ARFGAP3: variants seen among roughly 807,000 people sequenced by gnomAD.
ARFGAP3 encodes ADP-ribosylation factor GTPase-activating protein 3.
Under a neutral mutation model 75.0 loss-of-function variants are expected in ARFGAP3, and 72 were observed. That is an observed-to-expected ratio of 0.96 (90% CI 0.79 to 1.17). ARFGAP3 has a LOEUF of 1.17. Ranked by LOEUF, ARFGAP3 falls within the 50% of genes most tolerant of loss-of-function variation. The probability of loss-of-function intolerance (pLI) is 0.00; values close to 1 mark genes in which losing one functional copy is unlikely to be tolerated. For missense variants in ARFGAP3, 620 were observed against 626.6 expected (o/e 0.99, Z 0.11); for synonymous variants, 221 against 217.9 (o/e 1.01, Z -0.13).
intron 5 of ARFGAP3, among the ~76,000 whole-genome samples, chr22:42,832,486 G>A (rs914707525): frequency 6.7e-6 from 1 of 150,194 alleles, no homozygotes; most frequent in African/African-American, 2.5e-5. Flanking sequence ...AGCCAAGATT[G>A]TGCCAGTGCA....
chr22:42,824,958 G>C (rs76664873), intron 7 of ARFGAP3, among the ~76,000 whole-genome samples: 1,764 of 152,294 alleles, frequency 0.012, 33 homozygotes, highest in African/African-American at 0.041. Flanking sequence ...TTTTGTTTCT[G>C]CATTAGTTTG....
intron 14 of ARFGAP3, among the ~76,000 whole-genome samples, chr22:42,799,730 A>T (rs776260444): frequency 6.6e-6 from 1 of 152,172 alleles, no homozygotes; most frequent in Non-Finnish European, 1.5e-5. Flanking sequence ...GCAGGGACAA[A>T]GCAAAGCAGC....
chr22:42,805,967 G>A (rs930375524), intron 14 of ARFGAP3, among the ~76,000 whole-genome samples: 1 of 152,198 alleles, frequency 6.6e-6, no homozygotes, highest in Non-Finnish European at 1.5e-5. Flanking sequence ...GCCACAGTGT[G>A]TCTCTATAAC....
At chr22:42,823,431 T>C (rs561554509) in intron 8 of ARFGAP3, among the ~76,000 whole-genome samples, 16 of 152,178 alleles carry the variant, frequency 1.1e-4, no homozygotes, top group African/African-American at 3.4e-4. Flanking sequence ...TTTCAGAATT[T>C]TGTCATAGAC....
At chr22:42,847,832 T>TA in intron 1 of ARFGAP3, 200 bp from the exon 2 acceptor site, 2 of 187,588 alleles carry the variant, frequency 1.1e-5, no homozygotes, top group Non-Finnish European at 2.0e-5. Context: ...TATAATTATA[T>TA]TAATTATAAA....
At chr22:42,823,090 G>GT (rs1314910766) in intron 8 of ARFGAP3, among the ~76,000 whole-genome samples, 1 of 152,060 alleles carries the variant, frequency 6.6e-6, no homozygotes, top group African/African-American at 2.4e-5. Flanking sequence ...GATTACAGGC[G>GT]TGAGTCACTA....
chr22:42,813,939 CTG>C (rs1415779434), intron 11 of ARFGAP3, among the ~76,000 whole-genome samples: 1 of 152,198 alleles, frequency 6.6e-6, no homozygotes, highest in African/African-American at 2.4e-5. Context: ...CCCTCCCACT[CTG>C]TCTTTACCCA....
At chr22:42,843,705 A>G (rs1343682001) in intron 2 of ARFGAP3, among the ~76,000 whole-genome samples, 1 of 152,200 alleles carries the variant, frequency 6.6e-6, no homozygotes, top group Non-Finnish European at 1.5e-5. Context: ...GCCTGTCCCT[A>G]ACCCCAGGCC....
At position 42,834,308 on chromosome 22, in the gene ARFGAP3, A is replaced by C; in HGVS notation, c.411T>G (p.Cys137Trp). Reference sequence around the variant, plus strand: ...GTGGAGGGGACAAAGGTGGAACCACACAACTATCAAGCCACAGCTAGAACA... The same window carrying C: ...GTGGAGGGGACAAAGGTGGAACCACCCAACTATCAAGCCACAGCTAGAACA... ...KHGTDLWLDS[C>W]VVPPLSPPPK... Residue 137 changes from cysteine (C) to tryptophan (W), a missense_variant, in exon 5 of 16, where the codon TGT (cysteine) becomes TGG (tryptophan). Cys to Trp is a radical substitution (Grantham distance 215, BLOSUM62 -2). Transcript: ENST00000263245. 6.2e-7 allele frequency: 1 copy of C among 1,613,780 alleles called. No individual in the cohort carries two copies. The highest frequency in any genetic ancestry group is 2.2e-5 in the East Asian group (1 of 44,864).
At chr22:42,807,236 G>T (rs185345110) in intron 13 of ARFGAP3, 73 bp from the exon 14 acceptor site, 1 of 1,516,984 alleles carries the variant, frequency 6.6e-7, no homozygotes, top group East Asian at 2.3e-5. Context: ...AATCACTGAA[G>T]AGCTGTCATT....
intron 1 of ARFGAP3, among the ~76,000 whole-genome samples, chr22:42,850,695 C>T (rs1282717204): frequency 6.6e-6 from 1 of 150,892 alleles, no homozygotes; most frequent in Non-Finnish European, 1.5e-5. Flanking sequence ...AATACAAGGG[C>T]AATACAAGAG....
In ARFGAP3 at chr22:42,822,422, TAA is replaced by T. The variant is rs1428951367; in HGVS notation, c.673-15_673-14del. 5 of 1,613,236 alleles carry T rather than the reference TAA, an allele frequency of 3.1e-6. No individual in the cohort carries two copies. The East Asian group carries it at 1.1e-4, about 36-fold the overall frequency. On this transcript the variant is annotated splice_polypyrimidine_tract_variant and intron_variant, in intron 8 of 15. Transcript: ENST00000263245. ...TTTTGGCCCCAAGCTAGAACATATATAAGACTATAGTCTACACGAGCTGTTTG... is the reference window on the plus strand; with the variant it reads ...TTTTGGCCCCAAGCTAGAACATATATGACTATAGTCTACACGAGCTGTTTG...
chr22:42,834,221 G>A (rs1488013085), intron 5 of ARFGAP3, 21 bp downstream of exon 5: 1 of 1,604,838 alleles, frequency 6.2e-7, no homozygotes, highest in African/African-American at 1.4e-5. Flanking sequence ...ACTTTAAAAT[G>A]ATGTGAAGCA....
intron 2 of ARFGAP3, among the ~76,000 whole-genome samples, chr22:42,846,532 G>A (rs777798945): frequency 2.6e-5 from 4 of 152,196 alleles, no homozygotes; most frequent in East Asian, 1.9e-4. Flanking sequence ...AGTAGAAGAC[G>A]GTTTACTCAC....
At chr22:42,840,600 T>TA (rs1000009961) in intron 3 of ARFGAP3, among the ~76,000 whole-genome samples, 6 of 150,140 alleles carry the variant, frequency 4.0e-5, no homozygotes, top group South Asian at 2.1e-4. Context: ...TTATTATTAT[T>TA]TTTTTTTTAG....
chr22:42,836,056 C>G (rs181258285), intron 3 of ARFGAP3, among the ~76,000 whole-genome samples: 1 of 141,032 alleles, frequency 7.1e-6, no homozygotes, highest in African/African-American at 2.6e-5. Flanking sequence ...CATCTCGGTT[C>G]ACTGCAAACT....
intron 9 of ARFGAP3, among the ~76,000 whole-genome samples, chr22:42,820,892 C>A (rs1925783767): frequency 6.6e-6 from 1 of 152,160 alleles, no homozygotes; most frequent in Admixed American, 6.5e-5. Flanking sequence ...AGTCTCCTCC[C>A]CTCTTCCTGG....
At chr22:42,838,301 C>A (rs11090119) in intron 3 of ARFGAP3, among the ~76,000 whole-genome samples, 2 of 98,874 alleles carry the variant, frequency 2.0e-5, no homozygotes, top group Non-Finnish European at 4.1e-5. Context: ...TTTTTTTTTT[C>A]TTTTTTTTTT....
chr22:42,839,822 C>T (rs913749144), intron 3 of ARFGAP3, among the ~76,000 whole-genome samples: 9 of 152,092 alleles, frequency 5.9e-5, no homozygotes, highest in Non-Finnish European at 1.2e-4. Flanking sequence ...TCTTTGATTA[C>T]TCTCTGACTG....
Sources: allele counts gnomAD v4.1 joint callset (sites outside exome capture counted in the v4.1 genomes callset), GRCh38; gene constraint gnomAD v4.1.1; transcripts MANE v1.5; gene names NCBI Gene and HGNC (gene_info 2026-07-23, HGNC 2026-07-21).